Variants in SPTLC3 observed in about 807,000 individuals in gnomAD.
SPTLC3 encodes the protein serine palmitoyltransferase long chain base subunit 3.
In SPTLC3, 36 loss-of-function variants were observed where a neutral mutation model predicts 59.3. The observed-to-expected ratio is 0.61, with a 90% CI of 0.47 to 0.80. SPTLC3 has a LOEUF of 0.80. Ranked by LOEUF, SPTLC3 falls within the 30% of genes least tolerant of loss-of-function variation. The pLI, the probability that SPTLC3 is intolerant of heterozygous loss-of-function variation, is 0.00. For synonymous variants in SPTLC3, 257 were observed against 240.8 expected (o/e 1.07, Z -0.62); for missense variants, 625 against 685.1 (o/e 0.91, Z 0.98).
At position 13,160,095 on chromosome 20, in the gene SPTLC3, G is replaced by A; in HGVS notation, c.1508G>A (p.Cys503Tyr). Residue 503 changes from cysteine to tyrosine, a missense_variant, in exon 11 of 12, where the codon TGT (cysteine) becomes TAT (tyrosine). Cys to Tyr is a radical substitution (Grantham distance 194). Transcript: ENST00000399002. ...TPLAEARARF[C>Y]VSAAHTREML... ...CTCGCAGAAGCTCGGGCTCGGTTTT[G>A]TGTTTCAGCGGCACATACCCGGGAG... The A allele has an allele frequency of 6.2e-7, 1 of 1,613,874 alleles. No homozygotes were observed. The highest frequency in any genetic ancestry group is 8.5e-7 in the Non-Finnish European group (1 of 1,179,932).
At chr20:13,100,273 A>T (rs1362992620) in intron 6 of SPTLC3, among the ~76,000 whole-genome samples, 1 of 152,198 alleles carries the variant, frequency 6.6e-6, no homozygotes. Context: ...AAAGCTATTC[A>T]TTATTATTCT....
At chr20:13,153,955 C>A in intron 9 of SPTLC3, 48 bp from the exon 10 acceptor site, 1 of 1,603,320 alleles carries the variant, frequency 6.2e-7, no homozygotes, top group Non-Finnish European at 8.5e-7. Flanking sequence ...ACCTTTACTT[C>A]CCTCTTTCTA....
intron 4 of SPTLC3, 141 bp from the exon 5 acceptor site, chr20:13,090,942 A>G (rs1989191526): frequency 2.6e-6 from 3 of 1,146,526 alleles, no homozygotes; most frequent in Non-Finnish European, 3.7e-6. Flanking sequence ...GGCTGTTTCT[A>G]GATTAGGGCA....
chr20:13,045,743 G>A (rs560518442), intron 1 of SPTLC3, among the ~76,000 whole-genome samples: 1 of 152,232 alleles, frequency 6.6e-6, no homozygotes, highest in Non-Finnish European at 1.5e-5. Context: ...TCCAGAACAA[G>A]TCACAGGGGC....
intron 9 of SPTLC3, chr20:13,132,800 A>T (rs1211519792): frequency 6.6e-6 from 1 of 151,992 alleles, no homozygotes; most frequent in Non-Finnish European, 1.5e-5. Flanking sequence ...TCCTAAAAAG[A>T]CTTTCCTTGC....
intron 4 of SPTLC3, among the ~76,000 whole-genome samples, chr20:13,088,147 G>A (rs895845825): frequency 8.5e-5 from 13 of 152,136 alleles, no homozygotes; most frequent in African/African-American, 2.9e-4. Flanking sequence ...TTAGGTAAAC[G>A]CGTATCTGGC....
chr20:13,117,925 T>C (rs920428003), intron 8 of SPTLC3, among the ~76,000 whole-genome samples, 200 bp downstream of exon 8: 1 of 152,150 alleles, frequency 6.6e-6, no homozygotes, highest in Non-Finnish European at 1.5e-5. Context: ...AAGAGGAGCA[T>C]GTGATGAGTG....
At chr20:13,036,853 A>G (rs937250212) in intron 1 of SPTLC3, among the ~76,000 whole-genome samples, 1 of 152,126 alleles carries the variant, frequency 6.6e-6, no homozygotes, top group African/African-American at 2.4e-5. Context: ...TGTTACTCTG[A>G]TGGGAACTGA....
intron 1 of SPTLC3, among the ~76,000 whole-genome samples, chr20:13,043,738 A>G (rs4814186): frequency 0.12 from 18,846 of 151,882 alleles, 1,248 homozygotes; most frequent in Middle Eastern, 0.21. Flanking sequence ...AAAATAAGCA[A>G]CTCCCCTCAC....
intron 11 of SPTLC3, among the ~76,000 whole-genome samples, chr20:13,162,794 C>T (rs2038919502): frequency 6.6e-6 from 1 of 152,148 alleles, no homozygotes; most frequent in Non-Finnish European, 1.5e-5. Flanking sequence ...CAACCCAGAA[C>T]TGGTCCCTGC....
chr20:13,060,337 T>G (rs1252455543), intron 2 of SPTLC3, among the ~76,000 whole-genome samples: 2 of 152,136 alleles, frequency 1.3e-5, no homozygotes, highest in African/African-American at 4.8e-5. Context: ...ACTAACCCCA[T>G]CAGACATTAA....
rs571833380 is a variant in SPTLC3 at position 13,115,700 on chromosome 20, T to G, written c.933-1806T>G. Among the ~76,000 whole-genome samples, 8 of 152,234 alleles carry G rather than the reference T, an allele frequency of 5.3e-5. No individual in the cohort carries two copies. In the South Asian group the frequency reaches 1.7e-3, roughly 32 times the overall value. ...AGAACATTGTCAAGGGCTCCCACTT[T>G]CCCAAGTTAGGACTCGTTGCAACCA... On this transcript the variant is annotated intron_variant, in intron 7 of 11. Transcript: ENST00000399002.
chr20:13,090,591 G>A (rs541853247), intron 4 of SPTLC3, among the ~76,000 whole-genome samples: 5 of 152,220 alleles, frequency 3.3e-5, no homozygotes, highest in African/African-American at 1.2e-4. Flanking sequence ...TAGGTATACA[G>A]CTCAATGGAT....
At chr20:13,158,124 G>A (rs1472606068) in intron 10 of SPTLC3, among the ~76,000 whole-genome samples, 1 of 152,146 alleles carries the variant, frequency 6.6e-6, no homozygotes, top group Non-Finnish European at 1.5e-5. Context: ...CCCTGTTCAT[G>A]TAATACACTT....
chr20:13,117,559 A>ACCTCTATT lies in SPTLC3; in HGVS notation c.987_988insCTCTATTC (p.Lys330LeufsTer9), dbSNP rs1202156134. 2 of 1,612,418 alleles carry ACCTCTATT rather than the reference A, an allele frequency of 1.2e-6. No homozygotes were observed. Among genetic ancestry groups the ACCTCTATT allele is most frequent in the Admixed American group, 3.4e-5 (2 of 59,644 alleles). The stretch of plus-strand genomic sequence containing the variant: ...CAGATCATAGCTCTAAAGAAGAAAT[A>ACCTCTATT]CAAGGCTTACCTCTACATAGATGAA... On this transcript the variant is annotated frameshift_variant, in exon 8 of 12. Coordinates refer to ENST00000399002, the MANE Select transcript of SPTLC3 (RefSeq NM_018327.4). LOFTEE classifies it high-confidence loss of function.
At chr20:13,085,270 A>G (rs1342263354) in intron 4 of SPTLC3, among the ~76,000 whole-genome samples, 1 of 152,186 alleles carries the variant, frequency 6.6e-6, no homozygotes, top group Admixed American at 6.5e-5. Context: ...TCAAAAAGCA[A>G]TATTGCTCCA....
chr20:13,028,446 T>C (rs1190587383), intron 1 of SPTLC3, among the ~76,000 whole-genome samples: 1 of 152,132 alleles, frequency 6.6e-6, no homozygotes, highest in African/African-American at 2.4e-5. Flanking sequence ...AATAACCCCT[T>C]ATCCACTATC....
intron 1 of SPTLC3, among the ~76,000 whole-genome samples, chr20:13,019,948 A>G (rs1985780529): frequency 6.6e-6 from 1 of 152,204 alleles, no homozygotes; most frequent in Non-Finnish European, 1.5e-5. Context: ...GAAAATTAAT[A>G]TGTCCATAAC....
In SPTLC3 at chr20:13,151,515, G is replaced by A. The variant is rs190561932; in HGVS notation, c.1280-2488G>A. On this transcript the variant is annotated intron_variant, in intron 9 of 11. Coordinates refer to ENST00000399002, the MANE Select transcript of SPTLC3 (RefSeq NM_018327.4). ...TGCCTGCTGGGAGCTGGCAGAGTTG[G>A]GGAGGGATCATCCTTGAGAACTGGA... Among the ~76,000 whole-genome samples the A allele has an allele frequency of 3.9e-5, 6 of 152,250 alleles. No individual in the cohort carries two copies. The East Asian group carries it at 1.2e-3, about 30-fold the overall frequency.
Sources: allele counts gnomAD v4.1 joint callset (sites outside exome capture counted in the v4.1 genomes callset), GRCh38; gene constraint gnomAD v4.1.1; transcripts MANE v1.5; gene names NCBI Gene and HGNC (gene_info 2026-07-23, HGNC 2026-07-21).